Variants in LNX1 observed in about 807,000 individuals in gnomAD.
LNX1 encodes E3 ubiquitin-protein ligase LNX.
Under a neutral mutation model 68.4 loss-of-function variants are expected in LNX1, and 54 were observed. The ratio of observed to expected loss-of-function variants is 0.79; its 90% CI spans 0.63 to 0.99. LNX1 has a LOEUF of 0.99. LNX1 is among the 50% of genes least tolerant of loss of function. The probability of loss-of-function intolerance (pLI) is 0.00; values close to 1 mark genes in which losing one functional copy is unlikely to be tolerated. For missense variants in LNX1, 906 were observed against 926.4 expected (o/e 0.98, Z 0.29); for synonymous variants, 336 against 350.0 (o/e 0.96, Z 0.45).
At chr4:53,602,422 A>T (rs1322065765) in intron 2 of LNX1, among the ~76,000 whole-genome samples, 1 of 152,210 alleles carries the variant, frequency 6.6e-6, no homozygotes, top group Non-Finnish European at 1.5e-5. Context: ...CAGCTGTCAG[A>T]GTAATCCCAA....
intron 2 of LNX1, among the ~76,000 whole-genome samples, chr4:53,549,757 T>C (rs1291069870): frequency 6.6e-6 from 1 of 152,216 alleles, no homozygotes; most frequent in East Asian, 1.9e-4. Flanking sequence ...TGGAGTTTTA[T>C]TATAATCTTT....
At chr4:53,466,102 CT>C (rs1236282095) in intron 9 of LNX1, among the ~76,000 whole-genome samples, 2 of 152,134 alleles carry the variant, frequency 1.3e-5, no homozygotes, top group Non-Finnish European at 2.9e-5. Context: ...ACAATGACAG[CT>C]GCAAACCCAA....
chr4:53,459,332 A>G lies in LNX1; in HGVS notation c.*1575T>C, dbSNP rs1397245044. On this transcript the variant is annotated 3_prime_UTR_variant, in exon 11 of 11. Coordinates refer to ENST00000263925, the MANE Select transcript of LNX1 (RefSeq NM_001126328.3). ...GTAGACGTCGCCATGAAAGTGAAGA[A>G]GGAGATAGTCACAGGAGACACAAAC... The G allele has an allele frequency of 6.2e-7, 1 of 1,606,526 alleles. No individual in the cohort carries two copies. Among genetic ancestry groups the G allele is most frequent in the Non-Finnish European group, 8.5e-7 (1 of 1,177,412 alleles).
intron 1 of LNX1, among the ~76,000 whole-genome samples, chr4:53,623,658 T>A (rs1733968293): frequency 6.6e-6 from 1 of 152,146 alleles, no homozygotes; most frequent in South Asian, 2.1e-4. Context: ...AATTCTCAAT[T>A]TGAAGTTATA....
chr4:53,511,749 T>A (rs1726357526), intron 2 of LNX1, among the ~76,000 whole-genome samples: 1 of 152,188 alleles, frequency 6.6e-6, no homozygotes, highest in Non-Finnish European at 1.5e-5. Flanking sequence ...TAATGAGAGT[T>A]GGAGACGAGA....
intron 1 of LNX1, chr4:53,579,230 G>T (rs1731679448): frequency 2.0e-6 from 2 of 979,836 alleles, no homozygotes; most frequent in Non-Finnish European, 2.4e-6. Flanking sequence ...GAGTAGTGGA[G>T]TGGATTGATT....
At chr4:53,547,393 T>C (rs751667500) in intron 2 of LNX1, among the ~76,000 whole-genome samples, 2 of 152,164 alleles carry the variant, frequency 1.3e-5, no homozygotes, top group Non-Finnish European at 2.9e-5. Context: ...TTCCCATTTA[T>C]AGGTGAGAAA....
chr4:53,471,382 A>G (rs1249523481), intron 9 of LNX1, among the ~76,000 whole-genome samples: 1 of 152,196 alleles, frequency 6.6e-6, no homozygotes, highest in African/African-American at 2.4e-5. Flanking sequence ...TAAAACCATA[A>G]AAACCCTAGA....
intron 2 of LNX1, among the ~76,000 whole-genome samples, chr4:53,556,734 A>C (rs1221055769): frequency 6.6e-6 from 1 of 152,222 alleles, no homozygotes; most frequent in Non-Finnish European, 1.5e-5. Context: ...ACAAATGATC[A>C]CTTCCAAGAA....
At chr4:53,593,127 CT>C (rs776822973), upstream of LNX1, 1 of 152,172 alleles carries the variant, frequency 6.6e-6, no homozygotes, top group South Asian at 2.1e-4. Context: ...GTAACAAAAC[CT>C]TTTACACTCA....
intron 9 of LNX1, among the ~76,000 whole-genome samples, chr4:53,474,191 C>T (rs1723417641): frequency 6.6e-6 from 1 of 152,190 alleles, no homozygotes; most frequent in African/African-American, 2.4e-5. Context: ...CAGTGCCTAT[C>T]ATGATACCCA....
intron 2 of LNX1, among the ~76,000 whole-genome samples, chr4:53,616,311 G>T (rs1157341640): frequency 1.3e-5 from 2 of 152,094 alleles, no homozygotes; most frequent in Non-Finnish European, 2.9e-5. Context: ...ACACTTAAAA[G>T]CTCATAGGAG....
chr4:53,467,118 A>G (rs1174557036), intron 9 of LNX1, among the ~76,000 whole-genome samples: 6 of 152,120 alleles, frequency 3.9e-5, no homozygotes, highest in Non-Finnish European at 7.4e-5. Flanking sequence ...GACACCTCAC[A>G]TGGCTGGGTA....
intron 2 of LNX1, among the ~76,000 whole-genome samples, chr4:53,538,728 C>A (rs1728548908): frequency 6.6e-6 from 1 of 152,184 alleles, no homozygotes; most frequent in African/African-American, 2.4e-5. Flanking sequence ...GTTCAGGTCA[C>A]TGGGGATGCT....
At chr4:53,558,892 C>T (rs775340665) in intron 2 of LNX1, among the ~76,000 whole-genome samples, 2 of 152,182 alleles carry the variant, frequency 1.3e-5, no homozygotes, top group African/African-American at 4.8e-5. Context: ...ATCCCCTCTT[C>T]CAGCTTTAAG....
At chr4:53,510,731 A>C (rs1273527506) in intron 2 of LNX1, among the ~76,000 whole-genome samples, 1 of 152,238 alleles carries the variant, frequency 6.6e-6, no homozygotes, top group African/African-American at 2.4e-5. Context: ...ATGGAAAGGA[A>C]GTTCCTAGCT....
chr4:53,580,612 AC>A (rs2109796481), intron 1 of LNX1, among the ~76,000 whole-genome samples: 1 of 152,318 alleles, frequency 6.6e-6, no homozygotes, highest in Non-Finnish European at 1.5e-5. Context: ...TATATATCTT[AC>A]GAGTAAAAAG....
intron 2 of LNX1, among the ~76,000 whole-genome samples, chr4:53,570,342 T>C (rs367581810): frequency 2.7e-5 from 4 of 149,794 alleles, no homozygotes; most frequent in East Asian, 2.0e-4. Context: ...CCATAAAAAA[T>C]GATGAGTTCA....
intron 2 of LNX1, among the ~76,000 whole-genome samples, chr4:53,609,765 TA>T: frequency 7.0e-6 from 1 of 142,916 alleles, no homozygotes; most frequent in Non-Finnish European, 1.5e-5. Flanking sequence ...AATATACTAT[TA>T]TATATTATAT....
Sources: allele counts gnomAD v4.1 joint callset (sites outside exome capture counted in the v4.1 genomes callset), GRCh38; gene constraint gnomAD v4.1.1; transcripts MANE v1.5; gene names NCBI Gene and HGNC (gene_info 2026-07-23, HGNC 2026-07-21).